The following CORO2A variants were observed in gnomAD, a reference collection of about 807,000 sequenced individuals.
CORO2A encodes the protein coronin-2A.
Under a neutral mutation model 62.4 loss-of-function variants are expected in CORO2A, and 47 were observed. That is an observed-to-expected ratio of 0.75 (90% CI 0.60 to 0.96). The LOEUF (loss-of-function observed/expected upper bound fraction) is 0.96, where lower values mean the gene tolerates loss of function less well. Among genes scored for constraint, CORO2A ranks in the 40% least tolerant of loss-of-function variants. The probability of loss-of-function intolerance (pLI) is 0.00; values close to 1 mark genes in which losing one functional copy is unlikely to be tolerated. For synonymous variants in CORO2A, 273 were observed against 268.9 expected (o/e 1.02, Z -0.15); for missense variants, 610 against 684.1 (o/e 0.89, Z 1.21).
At chr9:98,188,577 CAACATGGCGA>C (rs1402497779) in intron 1 of CORO2A, among the ~76,000 whole-genome samples, 1 of 152,088 alleles carries the variant, frequency 6.6e-6, no homozygotes, top group Non-Finnish European at 1.5e-5. Context: ...CCAGCCTGGC[CAACATGGCGA>C]AACACCGTCT....
At chr9:98,126,403 T>C (rs1185238222) in intron 11 of CORO2A, 146 bp downstream of exon 11, 1 of 1,081,212 alleles carries the variant, frequency 9.2e-7, no homozygotes, top group African/African-American at 1.6e-5. Flanking sequence ...GTTGAATGAA[T>C]TAACAAAATG....
At chr9:98,187,282 CAAAAAAA>C (rs60290184) in intron 1 of CORO2A, among the ~76,000 whole-genome samples, 5 of 66,536 alleles carry the variant, frequency 7.5e-5, no homozygotes, top group South Asian at 6.1e-4. Flanking sequence ...GACTCCATCT[CAAAAAAA>C]AAAAAAAAAA....
Position 98,168,966 on chromosome 9 carries a change from G to A in CORO2A, c.1-11306C>T, listed in dbSNP as rs138679073. Among the ~76,000 whole-genome samples the A allele has an allele frequency of 4.3e-3, 660 of 152,324 alleles. 8 individuals are homozygous for A. The highest frequency in any genetic ancestry group is 0.026 in the Admixed American group (397 of 15,308). ...TCTCCGGGCTGGGTTCTCCTAGGTG[G>A]AGGCCAGAAGGCCCCACCCTGCCCT... On this transcript the variant is annotated intron_variant, in intron 1 of 11. Transcript: ENST00000375077.
chr9:98,124,908 G>T lies in CORO2A; in HGVS notation c.1447-3C>A. ...TGCCGGTAGAACATCTGCAGCAACT[G>T]GGGAAGAAAGATCGGAAGGCAGGAT... On this transcript the variant is annotated splice_polypyrimidine_tract_variant and splice_region_variant and intron_variant, in intron 11 of 11. Coordinates refer to ENST00000375077, the MANE Select transcript of CORO2A (RefSeq NM_052820.4). 6.4e-7 allele frequency: 1 copy of T among 1,560,418 alleles called. No homozygotes were observed. Among genetic ancestry groups the T allele is most frequent in the East Asian group, 2.4e-5 (1 of 42,128 alleles).
chr9:98,138,911 G>T (rs1204510203), intron 2 of CORO2A, among the ~76,000 whole-genome samples: 1 of 152,032 alleles, frequency 6.6e-6, no homozygotes, highest in Non-Finnish European at 1.5e-5. Flanking sequence ...GCCCGGCGTG[G>T]TGGTGCACGC....
chr9:98,170,178 G>A (rs1299306117), intron 1 of CORO2A, among the ~76,000 whole-genome samples: 6 of 152,146 alleles, frequency 3.9e-5, no homozygotes, highest in African/African-American at 1.2e-4. Flanking sequence ...CTCCTTTCCT[G>A]CCCACTGTGT....
chr9:98,154,352 T>TATATATATATATATATATGTAC (rs71369555), intron 2 of CORO2A, among the ~76,000 whole-genome samples: 1 of 94,058 alleles, frequency 1.1e-5, no homozygotes, highest in East Asian at 4.5e-4. Context: ...TATATATATA[T>TATATATATATATATATATGTAC]ACACAAATAC....
chr9:98,187,590 A>C (rs1250637140), intron 1 of CORO2A, among the ~76,000 whole-genome samples: 1 of 152,152 alleles, frequency 6.6e-6, no homozygotes, highest in Non-Finnish European at 1.5e-5. Context: ...TGGGTCATAG[A>C]ATGGCGCCTT....
At chr9:98,187,151 T>C (rs960010868) in intron 1 of CORO2A, among the ~76,000 whole-genome samples, 1 of 151,618 alleles carries the variant, frequency 6.6e-6, no homozygotes, top group Non-Finnish European at 1.5e-5. Context: ...GGCGTGGTGG[T>C]GGGCGCCTGT....
At chr9:98,179,832 G>A (rs779869206) in intron 1 of CORO2A, among the ~76,000 whole-genome samples, 37 of 151,892 alleles carry the variant, frequency 2.4e-4, no homozygotes, top group Non-Finnish European at 4.6e-4. Context: ...GTGAAACCCC[G>A]TCTCTACTAA....
chr9:98,134,993 G>C, intron 3 of CORO2A, 38 bp from the exon 4 acceptor site: 2 of 1,605,466 alleles, frequency 1.2e-6, no homozygotes, highest in East Asian at 4.5e-5. Flanking sequence ...GCATTAGCCA[G>C]GGCACCTTGG....
At chr9:98,190,866 G>A (rs1445043910) in intron 1 of CORO2A, among the ~76,000 whole-genome samples, 1 of 152,190 alleles carries the variant, frequency 6.6e-6, no homozygotes, top group Non-Finnish European at 1.5e-5. Context: ...CTTTTACGAG[G>A]GGATAATAAC....
chr9:98,177,958 T>C (rs1216289355), intron 1 of CORO2A, among the ~76,000 whole-genome samples: 2 of 152,192 alleles, frequency 1.3e-5, no homozygotes, highest in Non-Finnish European at 2.9e-5. Flanking sequence ...GTCACTGTTT[T>C]TGTCCTGGGT....
chr9:98,189,429 A>G (rs1048701205), intron 1 of CORO2A, among the ~76,000 whole-genome samples: 2 of 152,226 alleles, frequency 1.3e-5, no homozygotes, highest in Admixed American at 1.3e-4. Flanking sequence ...AAAACGATCC[A>G]GCTTCTGGCC....
chr9:98,154,323 TTG>T lies in CORO2A; in HGVS notation c.201+3135_201+3136del, dbSNP rs66488824. ...TAGGCCTAGAGTCTTTCTTATGTGTTTGTGTGTATATATATATATATATATAT... is the reference window on the plus strand; with the variant it reads ...TAGGCCTAGAGTCTTTCTTATGTGTTTGTGTATATATATATATATATATAT... On this transcript the variant is annotated intron_variant, in intron 2 of 11. Coordinates refer to ENST00000375077, the MANE Select transcript of CORO2A (RefSeq NM_052820.4). Among the ~76,000 whole-genome samples the T allele has an allele frequency of 8.0e-3, 814 of 101,720 alleles. 19 individuals carry two copies. Among genetic ancestry groups the T allele is most frequent in the African/African-American group, 0.02 (473 of 23,330 alleles). 66.7% of individuals were successfully genotyped at this position (101,720 alleles called of 152,430 possible). A position where few individuals can be genotyped will look rare whatever the true frequency, so the allele number is the denominator to read the frequency against.
At chr9:98,142,876 G>GCTGCC (rs1270625125) in intron 2 of CORO2A, among the ~76,000 whole-genome samples, 1 of 137,932 alleles carries the variant, frequency 7.2e-6, no homozygotes, top group Non-Finnish European at 1.6e-5. Context: ...GCTGCCCTGC[G>GCTGCC]CTGCCCTGCC....
chr9:98,125,317 C>T (rs925282417), intron 11 of CORO2A, among the ~76,000 whole-genome samples: 1 of 152,138 alleles, frequency 6.6e-6, no homozygotes, highest in Non-Finnish European at 1.5e-5. Context: ...TTGAGTGATG[C>T]CCTAAGGGCC....
In CORO2A at chr9:98,122,651, A is replaced by G. The variant is rs931889056; in HGVS notation, c.*2123T>C. 1.8e-4 allele frequency: 27 copies of G among 152,148 alleles called. No homozygotes were observed. Among genetic ancestry groups the G allele is most frequent in the African/African-American group, 6.5e-4 (27 of 41,430 alleles). The allele number at this position is 152,148 out of a possible 1,614,324, so 9.4% of individuals were successfully genotyped here. On this transcript the variant is annotated 3_prime_UTR_variant, in exon 12 of 12. Transcript: ENST00000375077. ...TGGGACCATCTGGTACTACTTCTTT[A>G]CCTCGTATAGTCATTTCAGAAGACC...
chr9:98,151,564 G>C (rs975791323), intron 2 of CORO2A, among the ~76,000 whole-genome samples: 2 of 151,970 alleles, frequency 1.3e-5, no homozygotes, highest in Non-Finnish European at 2.9e-5. Flanking sequence ...CTAATAATTT[G>C]ACTACATGTT....
Sources: gnomAD v4.1 joint callset for allele counts (sites outside exome capture counted in the v4.1 genomes callset) on GRCh38, gnomAD v4.1.1 for gene constraint, MANE v1.5 for transcripts, NCBI Gene and HGNC (gene_info 2026-07-23, HGNC 2026-07-21) for gene names.